MDGA2: variants seen among roughly 807,000 people sequenced by gnomAD.
MDGA2 encodes the protein MAM domain-containing glycosylphosphatidylinositol anchor protein 2.
A neutral mutation model predicts 117.8 loss-of-function variants in MDGA2; 40 were observed. The ratio of observed to expected loss-of-function variants is 0.34; its 90% CI spans 0.26 to 0.44. The LOEUF is 0.44. Among genes scored for constraint, MDGA2 ranks in the 20% least tolerant of loss-of-function variants. The probability of loss-of-function intolerance (pLI) is 1.00; values close to 1 mark genes in which losing one functional copy is unlikely to be tolerated. For missense variants in MDGA2, 1,123 were observed against 1,250.6 expected, an observed-to-expected ratio of 0.90 and a Z score of 1.54; for synonymous variants, 452 against 439.0, an observed-to-expected ratio of 1.03 and a Z score of -0.37.
At chr14:47,070,835 T>A (rs1890255244) in intron 6 of MDGA2, among the ~76,000 whole-genome samples, 1 of 152,230 alleles carries the variant, frequency 6.6e-6, no homozygotes, top group African/African-American at 2.4e-5. Context: ...CTCAAACTCC[T>A]GACCTCAGGT....
In MDGA2 at chr14:47,428,525, T is replaced by C. The variant is rs530544362; in HGVS notation, c.281-126975A>G. On this transcript the variant is annotated intron_variant, in intron 1 of 16. Transcript: ENST00000399232. ...ATGTGCTACTGTTTCACAATAAAAA[T>C]GTCACCTTAAAATATTAACTTTCAA... Among the ~76,000 whole-genome samples the C allele has an allele frequency of 1.5e-4, 23 of 152,224 alleles. No homozygotes were observed. The South Asian group carries it at 1.7e-3, about 11-fold the overall frequency.
intron 5 of MDGA2, among the ~76,000 whole-genome samples, chr14:47,104,318 G>A (rs1311873323): frequency 6.6e-6 from 1 of 150,840 alleles, no homozygotes; most frequent in African/African-American, 2.5e-5. Flanking sequence ...CACCTTAACT[G>A]ATGACATTCC....
At chr14:47,341,391 T>G (rs1000993509) in intron 1 of MDGA2, among the ~76,000 whole-genome samples, 2 of 152,204 alleles carry the variant, frequency 1.3e-5, no homozygotes, top group African/African-American at 4.8e-5. Flanking sequence ...GGATTACTCT[T>G]TTCAACACTG....
chr14:46,969,251 T>C (rs1886163358), intron 8 of MDGA2, among the ~76,000 whole-genome samples: 1 of 152,218 alleles, frequency 6.6e-6, no homozygotes, highest in South Asian at 2.1e-4. Context: ...TTATATTCCT[T>C]TGGCTATATA....
chr14:47,142,677 T>G (rs969095688), intron 4 of MDGA2, among the ~76,000 whole-genome samples: 2 of 152,160 alleles, frequency 1.3e-5, no homozygotes, highest in Non-Finnish European at 2.9e-5. Context: ...AAAAAAATCA[T>G]TTTAGTAACA....
intron 5 of MDGA2, among the ~76,000 whole-genome samples, chr14:47,127,129 T>A (rs1447225449): frequency 2.6e-5 from 4 of 152,182 alleles, no homozygotes; most frequent in African/African-American, 9.6e-5. Context: ...AATTTTCTTC[T>A]TTCAATAAGG....
intron 1 of MDGA2, among the ~76,000 whole-genome samples, chr14:47,364,623 C>G (rs1891193674): frequency 6.6e-6 from 1 of 152,174 alleles, no homozygotes; most frequent in Non-Finnish European, 1.5e-5. Flanking sequence ...AAATAAGCAC[C>G]AAATAAAGTC....
chr14:47,659,727 G>C (rs896352094), intron 1 of MDGA2, among the ~76,000 whole-genome samples: 2 of 152,190 alleles, frequency 1.3e-5, no homozygotes, highest in African/African-American at 4.8e-5. Context: ...ATTGGAAGCA[G>C]AGAAAGACTT....
At chr14:47,538,262 T>G (rs1895264151) in intron 1 of MDGA2, among the ~76,000 whole-genome samples, 1 of 152,216 alleles carries the variant, frequency 6.6e-6, no homozygotes, top group Non-Finnish European at 1.5e-5. Flanking sequence ...CAATATTTTA[T>G]TAAAGTATGA....
At chr14:47,510,057 G>A (rs973451747) in intron 1 of MDGA2, among the ~76,000 whole-genome samples, 14 of 152,080 alleles carry the variant, frequency 9.2e-5, no homozygotes, top group African/African-American at 2.9e-4. Context: ...AAATTCGTAC[G>A]TCGAATTCCT....
intron 5 of MDGA2, among the ~76,000 whole-genome samples, chr14:47,098,722 A>T (rs80001407): frequency 0.15 from 22,901 of 151,762 alleles, 1,829 homozygotes; most frequent in Admixed American, 0.2. Flanking sequence ...AGAGATCTCA[A>T]CATTTATATC....
intron 1 of MDGA2, among the ~76,000 whole-genome samples, chr14:47,498,189 G>T (rs1894322330): frequency 1.3e-5 from 2 of 152,126 alleles, no homozygotes; most frequent in African/African-American, 2.4e-5. Flanking sequence ...AGGAAACCTG[G>T]CATGTTAGTT....
At chr14:47,508,167 G>A (rs1180403829) in intron 1 of MDGA2, among the ~76,000 whole-genome samples, 7 of 152,162 alleles carry the variant, frequency 4.6e-5, no homozygotes, top group Non-Finnish European at 1.0e-4. Context: ...TTCGAAGAAA[G>A]TTATCTCTCC....
At chr14:47,404,449 G>A (rs559763493) in intron 1 of MDGA2, among the ~76,000 whole-genome samples, 2 of 151,530 alleles carry the variant, frequency 1.3e-5, no homozygotes, top group South Asian at 2.1e-4. Flanking sequence ...GGCTCCCAAA[G>A]TGCTGGGGTT....
chr14:47,496,553 C>T (rs1408119119), intron 1 of MDGA2, among the ~76,000 whole-genome samples: 1 of 151,808 alleles, frequency 6.6e-6, no homozygotes, highest in Non-Finnish European at 1.5e-5. Context: ...CCCCTGATTC[C>T]CCACCTTTTT....
At chr14:47,377,633 A>T (rs1429845178) in intron 1 of MDGA2, among the ~76,000 whole-genome samples, 1 of 152,072 alleles carries the variant, frequency 6.6e-6, no homozygotes, top group African/African-American at 2.4e-5. Flanking sequence ...GCAGTCTGAG[A>T]TGGAACTCCA....
intron 3 of MDGA2, 139 bp from the exon 4 acceptor site, chr14:47,144,413 A>T (rs541783564): frequency 1.8e-6 from 1 of 564,770 alleles, no homozygotes; most frequent in South Asian, 2.7e-5. Context: ...TTTTTCACTC[A>T]GCTTATTGAA....
intron 7 of MDGA2, among the ~76,000 whole-genome samples, chr14:47,052,120 A>C (rs890320869): frequency 6.6e-6 from 1 of 151,856 alleles, no homozygotes; most frequent in African/African-American, 2.4e-5. Flanking sequence ...TTTAAATGCA[A>C]ATTTTGAAGC....
intron 8 of MDGA2, among the ~76,000 whole-genome samples, chr14:47,008,926 A>C (rs1344810147): frequency 6.6e-6 from 1 of 151,952 alleles, no homozygotes; most frequent in Non-Finnish European, 1.5e-5. Context: ...TCAATCATTA[A>C]ATCTTACTCA....
Sources: gnomAD v4.1 joint callset for allele counts (sites outside exome capture counted in the v4.1 genomes callset) on GRCh38, gnomAD v4.1.1 for gene constraint, MANE v1.5 for transcripts, NCBI Gene and HGNC (gene_info 2026-07-23, HGNC 2026-07-21) for gene names.